The following BMPR1B variants were observed in gnomAD, a reference collection of about 807,000 sequenced individuals.
BMPR1B encodes bone morphogenetic protein receptor type 1B, also known as bone morphogenetic protein receptor type-1B.
Under a neutral mutation model 59.1 loss-of-function variants are expected in BMPR1B, and 12 were observed. The ratio of observed to expected loss-of-function variants is 0.20; its 90% CI spans 0.13 to 0.33. BMPR1B has a LOEUF of 0.33. BMPR1B is among the 10% of genes least tolerant of loss of function. The probability of loss-of-function intolerance (pLI) is 1.00; values close to 1 mark genes in which losing one functional copy is unlikely to be tolerated. For synonymous variants in BMPR1B, 237 were observed against 207.3 expected (o/e 1.14, Z -1.23); for missense variants, 550 against 610.9 (o/e 0.90, Z 1.05).
intron 3 of BMPR1B, among the ~76,000 whole-genome samples, chr4:95,001,955 A>G (rs1722481330): frequency 6.6e-6 from 1 of 152,078 alleles, no homozygotes; most frequent in South Asian, 2.1e-4. Flanking sequence ...TAGATGAAAG[A>G]GGTTTTTATT....
chr4:94,777,435 T>G (rs1253766897), intron 1 of BMPR1B, among the ~76,000 whole-genome samples: 1 of 152,198 alleles, frequency 6.6e-6, no homozygotes, highest in African/African-American at 2.4e-5. Flanking sequence ...ATATATAATT[T>G]TATTACATTA....
chr4:94,775,988 G>A (rs112627908), intron 1 of BMPR1B, among the ~76,000 whole-genome samples: 4 of 152,026 alleles, frequency 2.6e-5, no homozygotes, highest in African/African-American at 7.2e-5. Context: ...CTACTCGGGA[G>A]ACTGAGGCAG....
At chr4:95,144,770 C>T (rs1734521637) in intron 10 of BMPR1B, among the ~76,000 whole-genome samples, 1 of 152,092 alleles carries the variant, frequency 6.6e-6, no homozygotes, top group African/African-American at 2.4e-5. Context: ...ACATTTCCAA[C>T]CATTCTCCAT....
chr4:94,913,171 CA>C (rs1456229541), intron 2 of BMPR1B, among the ~76,000 whole-genome samples: 1 of 151,982 alleles, frequency 6.6e-6, no homozygotes, highest in Non-Finnish European at 1.5e-5. Flanking sequence ...AAATAATTTT[CA>C]AGTGGGCAAC....
intron 2 of BMPR1B, among the ~76,000 whole-genome samples, chr4:94,905,421 G>A (rs940719063): frequency 5.3e-5 from 8 of 151,948 alleles, no homozygotes; most frequent in Non-Finnish European, 8.8e-5. Context: ...TTTATAATTA[G>A]CTTATAGTTT....
Position 95,097,375 on chromosome 4 carries a change from T to A in BMPR1B, c.-17-7033T>A, listed in dbSNP as rs148575123. On this transcript the variant is annotated intron_variant, in intron 3 of 12. Coordinates refer to ENST00000515059, the MANE Select transcript of BMPR1B (RefSeq NM_001203.3). ...ATTTCCTGAAAGGGTAATTTTTCTC[T>A]GTTTTTTTCTTTATATTTTCTGTCA... Among the ~76,000 whole-genome samples the A allele has an allele frequency of 6.9e-3, 1,048 of 152,094 alleles. 12 individuals carry two copies. Among genetic ancestry groups the A allele is most frequent in the African/African-American group, 0.023 (957 of 41,532 alleles).
chr4:95,128,773 T>A (rs560516337), intron 8 of BMPR1B, among the ~76,000 whole-genome samples: 2 of 152,196 alleles, frequency 1.3e-5, no homozygotes, highest in African/African-American at 4.8e-5. Context: ...TTCTTGCTTA[T>A]TTTTTATTCA....
chr4:95,092,343 A>C (rs562125749), intron 3 of BMPR1B, among the ~76,000 whole-genome samples: 1 of 152,224 alleles, frequency 6.6e-6, no homozygotes, highest in East Asian at 1.9e-4. Context: ...CGCACAACAG[A>C]TAAGTGTAAA....
At chr4:94,879,460 A>G (rs1017248535) in intron 2 of BMPR1B, among the ~76,000 whole-genome samples, 5 of 152,072 alleles carry the variant, frequency 3.3e-5, no homozygotes, top group Admixed American at 1.3e-4. Flanking sequence ...AAAATTAGCC[A>G]GGTGTGCTGG....
intron 2 of BMPR1B, among the ~76,000 whole-genome samples, chr4:94,985,553 G>A (rs1265635230): frequency 1.5e-5 from 2 of 136,830 alleles, no homozygotes; most frequent in East Asian, 2.1e-4. Context: ...GTGTGTGTGT[G>A]TGTGTTGGCC....
At chr4:94,991,361 A>G (rs1338387376) in intron 2 of BMPR1B, among the ~76,000 whole-genome samples, 1 of 152,196 alleles carries the variant, frequency 6.6e-6, no homozygotes, top group Non-Finnish European at 1.5e-5. Context: ...TTATCTAACA[A>G]ATATTTATTG....
At chr4:95,140,742 G>A (rs532501799) in intron 10 of BMPR1B, among the ~76,000 whole-genome samples, 2 of 152,220 alleles carry the variant, frequency 1.3e-5, no homozygotes, top group South Asian at 4.1e-4. Context: ...ACATGACATA[G>A]TGAGTTACCC....
At chr4:94,802,638 G>T (rs1169290322) in intron 1 of BMPR1B, among the ~76,000 whole-genome samples, 1 of 152,120 alleles carries the variant, frequency 6.6e-6, no homozygotes, top group East Asian at 1.9e-4. Flanking sequence ...AGAATTAGAG[G>T]AAAATGTTTC....
chr4:95,130,800 C>T (rs979979586), intron 9 of BMPR1B, among the ~76,000 whole-genome samples: 11 of 145,892 alleles, frequency 7.5e-5, no homozygotes, highest in Non-Finnish European at 1.0e-4. Context: ...GTGTGATCTC[C>T]GCTCACGGTA....
chr4:95,012,315 A>G (rs543100521), intron 3 of BMPR1B, among the ~76,000 whole-genome samples: 2 of 152,304 alleles, frequency 1.3e-5, no homozygotes, highest in South Asian at 4.1e-4. Flanking sequence ...AATACCTATT[A>G]GACAATTAAG....
chr4:94,777,428 T>C (rs1361881398), intron 1 of BMPR1B, among the ~76,000 whole-genome samples: 1 of 152,174 alleles, frequency 6.6e-6, no homozygotes, highest in East Asian at 1.9e-4. Context: ...ACCTTTGATA[T>C]ATAATTTTAT....
At chr4:94,931,075 A>G (rs1729076821) in intron 2 of BMPR1B, among the ~76,000 whole-genome samples, 1 of 152,104 alleles carries the variant, frequency 6.6e-6, no homozygotes, top group Non-Finnish European at 1.5e-5. Context: ...AACAGTTTCT[A>G]CTATTGAATA....
At position 95,125,033 on chromosome 4, in the gene BMPR1B, A is replaced by G. The variant is rs781670372; in HGVS notation, c.497A>G (p.Asp166Gly). 8.7e-6 allele frequency: 14 copies of G among 1,613,780 alleles called. No individual in the cohort carries two copies. The highest frequency in any genetic ancestry group is 1.2e-5 in the Non-Finnish European group (14 of 1,179,720). Residue 166 changes from aspartate to glycine, a missense_variant, in exon 8 of 13, where the codon GAT becomes GGT. Transcript: ENST00000515059. ...CGATACAGCATTGGGTTAGAACAGG[A>G]TGAAACTTACATTCCTCCTGGAGAA... ...RPRYSIGLEQDETYIPPGESL... is the reference protein window; with the variant it reads ...RPRYSIGLEQGETYIPPGESL...
chr4:94,857,944 T>TTA (rs2148953513), intron 1 of BMPR1B, among the ~76,000 whole-genome samples: 1 of 152,210 alleles, frequency 6.6e-6, no homozygotes, highest in Non-Finnish European at 1.5e-5. Context: ...TACTTTTTAT[T>TTA]TTTATTTTTT....
Sources: gnomAD v4.1 joint callset for allele counts (sites outside exome capture counted in the v4.1 genomes callset) on GRCh38, gnomAD v4.1.1 for gene constraint, MANE v1.5 for transcripts, NCBI Gene and HGNC (gene_info 2026-07-23, HGNC 2026-07-21) for gene names.